CFAP58: variants seen among roughly 807,000 people sequenced by gnomAD.
CFAP58 encodes cilia and flagella associated protein 58.
A neutral mutation model predicts 119.5 loss-of-function variants in CFAP58; 88 were observed. The ratio of observed to expected loss-of-function variants is 0.74; its 90% confidence interval spans 0.62 to 0.88. CFAP58 has a LOEUF of 0.88. CFAP58 is among the 40% of genes least tolerant of loss of function. The pLI, the probability that CFAP58 is intolerant of heterozygous loss-of-function variation, is 0.00. For synonymous variants in CFAP58, 365 were observed against 366.3 expected, an observed-to-expected ratio of 1.00 and a Z score of 0.04; for missense variants, 990 against 1,021.2, an observed-to-expected ratio of 0.97 and a Z score of 0.42.
At chr10:104,409,509 C>T (rs1173683364) in intron 15 of CFAP58, among the ~76,000 whole-genome samples, 1 of 152,088 alleles carries the variant, frequency 6.6e-6, no homozygotes, top group Non-Finnish European at 1.5e-5. Flanking sequence ...TTAGATCAAC[C>T]TTGTTAATTG....
rs562506629 is a variant in CFAP58 at position 104,423,477 on chromosome 10, G to A, written c.2256+16684G>A. On this transcript the variant is annotated intron_variant, in intron 15 of 17. Transcript: ENST00000369704. ...TAAGTTGCATAAAACCAAGTGAGAT[G>A]CAGAATAATATGTTTCTAGTATTAG... Among the ~76,000 whole-genome samples, 20 of 151,916 alleles carry A rather than the reference G, an allele frequency of 1.3e-4. No homozygotes were observed. In the South Asian group the frequency reaches 4.0e-3, roughly 30 times the overall value.
rs2014783375 is a variant in CFAP58, at chr10:104,368,659, T to C, written c.930+99T>C. On this transcript the variant is annotated intron_variant, in intron 6 of 17. Transcript: ENST00000369704. ...TCAGTTGGAGAGCCTGTGTTGGCTC[T>C]ACTGAGTACATTGACACATCAGAGG... 4.6e-5 allele frequency: 60 copies of C among 1,300,470 alleles called. 1 individual carries two copies. The South Asian group carries it at 6.8e-4, about 15-fold the overall frequency. The allele number at this position is 1,300,470 out of a possible 1,614,324, so 80.6% of individuals were successfully genotyped here.
chr10:104,385,870 G>T (rs1402840982), intron 9 of CFAP58, among the ~76,000 whole-genome samples: 1 of 152,118 alleles, frequency 6.6e-6, no homozygotes, highest in Non-Finnish European at 1.5e-5. Context: ...AAGCCCTTTT[G>T]TGTGTGTGTT....
rs374137445 is a variant in CFAP58 at position 104,392,365 on chromosome 10, C to T, written c.1498C>T (p.Leu500=). ...TGAAGCTGTGAGATCAGACAGAAAT[C>T]TGTATAGCAAAAATCTGGTTGAGGC... is the stretch of plus-strand genomic sequence containing the variant. ...LYEAVRSDRN[L]YSKNLVEAQD... The change falls in exon 10 of 18, where the codon CTG becomes TTG. Residue 500 remains leucine (L), a synonymous_variant. Coordinates refer to ENST00000369704, the MANE Select transcript of CFAP58 (RefSeq NM_001008723.2). 8 of 1,601,226 alleles carry T rather than the reference C, an allele frequency of 5.0e-6. No individual in the cohort carries two copies. The highest frequency in any genetic ancestry group is 2.7e-5 in the African/African-American group (2 of 73,872).
chr10:104,340,432 T>A, the CFAP58 span, among the ~76,000 whole-genome samples: 1 of 152,208 alleles, frequency 6.6e-6, no homozygotes, highest in Non-Finnish European at 1.5e-5. Context: ...CCCGACTAAT[T>A]GTATGCTCAG....
intron 9 of CFAP58, among the ~76,000 whole-genome samples, chr10:104,385,943 G>A (rs1279020370): frequency 2.0e-5 from 3 of 152,042 alleles, no homozygotes; most frequent in Non-Finnish European, 4.4e-5. Flanking sequence ...GCAGATAGAT[G>A]CCTAGTTACC....
chr10:104,432,564 G>A (rs1048739535), intron 15 of CFAP58, among the ~76,000 whole-genome samples: 1 of 151,648 alleles, frequency 6.6e-6, no homozygotes, highest in Non-Finnish European at 1.5e-5. Context: ...GTGCCATGGT[G>A]CGATCTTGGC....
At chr10:104,445,561 T>TG (rs749982333) in intron 15 of CFAP58, among the ~76,000 whole-genome samples, 3 of 152,208 alleles carry the variant, frequency 2.0e-5, no homozygotes, top group Non-Finnish European at 4.4e-5. Flanking sequence ...GCTTTGAACC[T>TG]GATTCCACTT....
intron 15 of CFAP58, among the ~76,000 whole-genome samples, chr10:104,447,072 C>G (rs1202159292): frequency 2.6e-5 from 4 of 151,972 alleles, no homozygotes; most frequent in African/African-American, 9.7e-5. Flanking sequence ...TCATTGCTCC[C>G]TCGATCTCCT....
At chr10:104,433,162 T>C (rs1589934448) in intron 15 of CFAP58, among the ~76,000 whole-genome samples, 1 of 152,158 alleles carries the variant, frequency 6.6e-6, no homozygotes, top group East Asian at 1.9e-4. Context: ...GGTAAAATCA[T>C]AGCTCACTGC....
chr10:104,363,269 C>T (rs760409103), intron 3 of CFAP58, among the ~76,000 whole-genome samples: 1 of 152,212 alleles, frequency 6.6e-6, no homozygotes, highest in East Asian at 1.9e-4. Flanking sequence ...ATATCCCCTC[C>T]AGGAGCCCAG....
intron 15 of CFAP58, among the ~76,000 whole-genome samples, chr10:104,417,313 G>T (rs566248984): frequency 2.1e-4 from 32 of 152,282 alleles, no homozygotes; most frequent in Admixed American, 7.8e-4. Context: ...GCATCCTTTG[G>T]TTACTGTAAA....
Position 104,454,429 on chromosome 10 carries a change from G to A in CFAP58, c.2518G>A (p.Asp840Asn). ...TCACCTCCTCTCTTACAGAAACAAG[G>A]ACACAGCACCCATGGATAACACCTT... ...KRKEQLQKNK[D>N]TAPMDNTFLM... is the part of the protein sequence containing the mutation. The change falls in exon 18 of 18, where the codon GAC (aspartate) becomes AAC (asparagine). Residue 840 changes from aspartate (D) to asparagine (N), a missense_variant. Transcript: ENST00000369704. 6.2e-7 allele frequency: 1 copy of A among 1,612,914 alleles called. No individual in the cohort carries two copies.
chr10:104,359,684 C>T (rs1276260439), intron 2 of CFAP58, among the ~76,000 whole-genome samples: 1 of 152,158 alleles, frequency 6.6e-6, no homozygotes, highest in Non-Finnish European at 1.5e-5. Flanking sequence ...GTAATCCCAG[C>T]TACTTGGGAG....
chr10:104,447,064 A>T (rs1326743818), intron 15 of CFAP58, among the ~76,000 whole-genome samples: 2 of 151,358 alleles, frequency 1.3e-5, no homozygotes, highest in South Asian at 4.2e-4. Context: ...TGCACAGCTC[A>T]TTGCTCCCTC....
chr10:104,402,700 TC>T (rs1564893592), intron 13 of CFAP58, among the ~76,000 whole-genome samples: 1 of 152,192 alleles, frequency 6.6e-6, no homozygotes, highest in East Asian at 1.9e-4. Flanking sequence ...TTTTTAGCCA[TC>T]TGTGTGGTTG....
intron 15 of CFAP58, among the ~76,000 whole-genome samples, chr10:104,424,971 G>A (rs971517340): frequency 6.6e-6 from 1 of 152,140 alleles, no homozygotes; most frequent in Non-Finnish European, 1.5e-5. Flanking sequence ...TTTGAGTCCT[G>A]GTCTTACCAA....
chr10:104,438,484 T>A (rs934859470), intron 15 of CFAP58, among the ~76,000 whole-genome samples: 2 of 150,992 alleles, frequency 1.3e-5, no homozygotes, highest in Non-Finnish European at 3.0e-5. Flanking sequence ...CACGCCATTC[T>A]CCTGCCTCAG....
chr10:104,443,970 G>C (rs938093956), intron 15 of CFAP58, among the ~76,000 whole-genome samples: 3 of 152,242 alleles, frequency 2.0e-5, no homozygotes, highest in African/African-American at 7.2e-5. Flanking sequence ...AATCACATCT[G>C]ATGGCCTGTC....
Sources: gnomAD v4.1 joint callset for allele counts (sites outside exome capture counted in the v4.1 genomes callset) on GRCh38, gnomAD v4.1.1 for gene constraint, MANE v1.5 for transcripts, NCBI Gene and HGNC (gene_info 2026-07-23, HGNC 2026-07-21) for gene names.